The following SLC10A7 variants were observed in gnomAD, a reference collection of about 807,000 sequenced individuals.
The protein encoded by SLC10A7 is solute carrier family 10 member 7.
Under a neutral mutation model 43.2 loss-of-function variants are expected in SLC10A7, and 29 were observed. The observed-to-expected ratio is 0.67, with a 90% CI of 0.50 to 0.92. The LOEUF (loss-of-function observed/expected upper bound fraction) is 0.92, where lower values mean the gene tolerates loss of function less well. SLC10A7 is among the 40% of genes least tolerant of loss of function. SLC10A7 has a pLI of 0.00. For missense variants in SLC10A7, 295 were observed against 403.2 expected, an observed-to-expected ratio of 0.73 and a Z score of 2.30; for synonymous variants, 152 against 144.8, an observed-to-expected ratio of 1.05 and a Z score of -0.35.
intron 5 of SLC10A7, among the ~76,000 whole-genome samples, chr4:146,404,497 T>A (rs1229076174): frequency 6.6e-6 from 1 of 151,990 alleles, no homozygotes; most frequent in Non-Finnish European, 1.5e-5. Context: ...TGTGTGTGTG[T>A]GTGTGTGTGT....
intron 5 of SLC10A7, among the ~76,000 whole-genome samples, chr4:146,342,990 A>G (rs909877125): frequency 6.6e-6 from 1 of 151,954 alleles, no homozygotes; most frequent in African/African-American, 2.4e-5. Flanking sequence ...ACCCCGTTTC[A>G]TAATCTCATA....
intron 9 of SLC10A7, among the ~76,000 whole-genome samples, 158 bp from the exon 10 acceptor site, chr4:146,283,423 C>G (rs886269892): frequency 6.6e-6 from 1 of 152,126 alleles, no homozygotes; most frequent in Non-Finnish European, 1.5e-5. Context: ...GTCTGGATTT[C>G]TTTTTAGAGA....
chr4:146,417,760 T>C (rs1488993514), intron 5 of SLC10A7, among the ~76,000 whole-genome samples: 1 of 152,176 alleles, frequency 6.6e-6, no homozygotes, highest in Non-Finnish European at 1.5e-5. Flanking sequence ...CCATAAAGGT[T>C]AAGAGTAGCC....
At chr4:146,260,097 A>G (rs527275053) in intron 10 of SLC10A7, among the ~76,000 whole-genome samples, 1 of 152,344 alleles carries the variant, frequency 6.6e-6, no homozygotes, top group South Asian at 2.1e-4. Context: ...AACTGAAAAC[A>G]CTTAACTCTT....
intron 9 of SLC10A7, among the ~76,000 whole-genome samples, chr4:146,287,176 G>GTGTCTGGAGTGGTGAGAAGGAC (rs1730082386): frequency 6.6e-6 from 1 of 150,950 alleles, no homozygotes; most frequent in East Asian, 1.9e-4. Context: ...GAGAAGGACT[G>GTGTCTGGAGTGGTGAGAAGGAC]TGTCTGGAGT....
chr4:146,385,982 T>TTGA (rs1472486805), intron 5 of SLC10A7, among the ~76,000 whole-genome samples: 35 of 152,336 alleles, frequency 2.3e-4, no homozygotes, highest in African/African-American at 8.2e-4. Context: ...TAATCAACTG[T>TTGA]TGATGGGGTA....
At chr4:146,442,283 A>G (rs1287188575) in intron 5 of SLC10A7, 1 of 982,536 alleles carries the variant, frequency 1.0e-6, no homozygotes, top group Non-Finnish European at 1.2e-6. Flanking sequence ...CAAATTACTC[A>G]TTAGTCATAT....
intron 5 of SLC10A7, among the ~76,000 whole-genome samples, chr4:146,363,595 T>C (rs1363807800): frequency 6.6e-6 from 1 of 152,120 alleles, no homozygotes; most frequent in East Asian, 1.9e-4. Context: ...GAATAGACCA[T>C]GTGGTAGGCC....
intron 5 of SLC10A7, among the ~76,000 whole-genome samples, chr4:146,340,088 GGTTT>G (rs1444691121): frequency 7.9e-5 from 12 of 151,570 alleles, no homozygotes; most frequent in African/African-American, 2.7e-4. Flanking sequence ...ATTTTAAACA[GGTTT>G]CTCCTTAATA....
Position 146,263,859 on chromosome 4 carries a change from T to C in SLC10A7, c.848-5022A>G, listed in dbSNP as rs142204059. Among the ~76,000 whole-genome samples, 582 of 152,374 alleles carry C rather than the reference T, an allele frequency of 3.8e-3. 2 individuals carry two copies. The highest frequency in any genetic ancestry group is 0.013 in the African/African-American group (531 of 41,590). On this transcript the variant is annotated intron_variant, in intron 10 of 11. Coordinates refer to ENST00000335472, the MANE Select transcript of SLC10A7 (RefSeq NM_001029998.6). ...AAATGGATTCTTTTTCTGACTAAAG[T>C]AATTTCCACCAAAAGCATTTCCCCA...
At chr4:146,309,381 A>C (rs1237065387) in intron 6 of SLC10A7, among the ~76,000 whole-genome samples, 4 of 152,126 alleles carry the variant, frequency 2.6e-5, no homozygotes, top group African/African-American at 9.7e-5. Context: ...CTCAAATGTT[A>C]GCACATCAGA....
chr4:146,301,167 A>G (rs1275432428), intron 7 of SLC10A7, among the ~76,000 whole-genome samples: 1 of 152,216 alleles, frequency 6.6e-6, no homozygotes, highest in Non-Finnish European at 1.5e-5. Context: ...AAATTTATGA[A>G]TCAAGTACGA....
intron 10 of SLC10A7, among the ~76,000 whole-genome samples, chr4:146,264,189 GT>G (rs904512112): frequency 5.9e-5 from 9 of 151,906 alleles, no homozygotes; most frequent in Admixed American, 1.3e-4. Context: ...ACAAGAACAA[GT>G]TTTTTTTCTA....
intron 4 of SLC10A7, among the ~76,000 whole-genome samples, chr4:146,472,955 T>G (rs941358618): frequency 6.6e-6 from 1 of 152,164 alleles, no homozygotes; most frequent in Non-Finnish European, 1.5e-5. Context: ...AAAGCCCAAG[T>G]TGGTAAAAAG....
chr4:146,393,768 G>C (rs1447559336), intron 5 of SLC10A7, among the ~76,000 whole-genome samples: 1 of 152,154 alleles, frequency 6.6e-6, no homozygotes, highest in Middle Eastern at 3.2e-3. Flanking sequence ...ACTGTATGAA[G>C]TTCCATCAAA....
At chr4:146,498,211 G>C (rs969907673) in intron 4 of SLC10A7, among the ~76,000 whole-genome samples, 1 of 151,876 alleles carries the variant, frequency 6.6e-6, no homozygotes, top group Non-Finnish European at 1.5e-5. Flanking sequence ...TCCGCGCCCC[G>C]GGTTCAAGCA....
At chr4:146,353,949 C>G (rs1389050220) in intron 5 of SLC10A7, among the ~76,000 whole-genome samples, 3 of 144,434 alleles carry the variant, frequency 2.1e-5, no homozygotes, top group Non-Finnish European at 4.5e-5. Flanking sequence ...TGGGCAAAAA[C>G]TGGAAGCATT....
rs1021315987 is a variant in SLC10A7 at position 146,254,045 on chromosome 4, T to G, written c.*2446A>C. The G allele has an allele frequency of 6.6e-6, 1 of 152,216 alleles. No individual in the cohort carries two copies. Among genetic ancestry groups the G allele is most frequent in the African/African-American group, 2.4e-5 (1 of 41,456 alleles). The allele number at this position is 152,216 out of a possible 1,614,324, so 9.4% of individuals were successfully genotyped here. On this transcript the variant is annotated 3_prime_UTR_variant, in exon 12 of 12. Transcript: ENST00000335472. Reference sequence around the variant, plus strand: ...ATTTTCATCTTCCAGTCATCATAAATAATCCACTTTATGACTTAACCAATC... The same window carrying G: ...ATTTTCATCTTCCAGTCATCATAAAGAATCCACTTTATGACTTAACCAATC...
At chr4:146,404,456 C>T (rs1739432887) in intron 5 of SLC10A7, among the ~76,000 whole-genome samples, 1 of 147,044 alleles carries the variant, frequency 6.8e-6, no homozygotes, top group Non-Finnish European at 1.5e-5. Flanking sequence ...TACATCTTTT[C>T]ATAGGTTTGC....
Sources: allele counts gnomAD v4.1 joint callset (sites outside exome capture counted in the v4.1 genomes callset), GRCh38; gene constraint gnomAD v4.1.1; transcripts MANE v1.5; gene names NCBI Gene and HGNC (gene_info 2026-07-23, HGNC 2026-07-21).